Variants in UBR2 observed in about 807,000 individuals in gnomAD.
UBR2 encodes ubiquitin protein ligase E3 component n-recognin 2, also known as E3 ubiquitin-protein ligase UBR2.
In UBR2, 92 loss-of-function variants were observed where a neutral mutation model predicts 247.9. That is an observed-to-expected ratio of 0.37 (90% CI 0.31 to 0.44). The LOEUF is 0.44. UBR2 is among the 20% of genes least tolerant of loss of function. The pLI is 1.00. For synonymous variants in UBR2, 672 were observed against 693.5 expected (o/e 0.97, Z 0.49); for missense variants, 1,613 against 2,112.6 (o/e 0.76, Z 4.64).
chr6:42,619,437 ATATATATATATATATAT>A (rs1794790409), intron 11 of UBR2: 3 of 21,234 alleles, frequency 1.4e-4, no homozygotes, highest in Non-Finnish European at 2.8e-4. Context: ...ATATATATAT[ATATATATATATATATAT>A]TTTTTTTTTT....
intron 11 of UBR2, among the ~76,000 whole-genome samples, chr6:42,617,956 C>T (rs1399666496): frequency 1.3e-5 from 2 of 152,210 alleles, no homozygotes; most frequent in Non-Finnish European, 2.9e-5. Context: ...TGGTCTTTTA[C>T]TGAGCTTCAC....
intron 2 of UBR2, among the ~76,000 whole-genome samples, chr6:42,586,418 GTGCAT>G (rs1792264093): frequency 6.6e-6 from 1 of 151,912 alleles, no homozygotes; most frequent in Non-Finnish European, 1.5e-5. Context: ...CTTATTCCAT[GTGCAT>G]TTGAAAAGAA....
intron 2 of UBR2, among the ~76,000 whole-genome samples, chr6:42,576,610 A>G (rs1018862412): frequency 7.5e-5 from 11 of 147,034 alleles, no homozygotes; most frequent in African/African-American, 2.8e-4. Context: ...GCTCACTGCA[A>G]CTTCTGCCTC....
intron 26 of UBR2, among the ~76,000 whole-genome samples, chr6:42,656,519 G>C (rs1797449350): frequency 6.6e-6 from 1 of 152,148 alleles, no homozygotes; most frequent in Non-Finnish European, 1.5e-5. Flanking sequence ...TACTTTCCCT[G>C]CCACAGACCT....
chr6:42,675,774 A>G (rs1032536294), intron 38 of UBR2, among the ~76,000 whole-genome samples: 2 of 152,160 alleles, frequency 1.3e-5, no homozygotes, highest in African/African-American at 2.4e-5. Flanking sequence ...AGCCTGGCCA[A>G]CGTGGCAAAA....
intron 7 of UBR2, among the ~76,000 whole-genome samples, chr6:42,610,609 A>G (rs1257694853): frequency 6.6e-6 from 1 of 152,230 alleles, no homozygotes; most frequent in Non-Finnish European, 1.5e-5. Flanking sequence ...ATATGATTCT[A>G]CTTATATGAC....
In UBR2 at chr6:42,646,809, A is replaced by T. The variant is rs544728181; in HGVS notation, c.2409+1219A>T. ...AACAATAATTTATATATATATGTTT[A>T]TATATATATATAGAGAGAGAGAGAG... On this transcript the variant is annotated intron_variant, in intron 21 of 46. Transcript: ENST00000372901. Among the ~76,000 whole-genome samples the T allele has an allele frequency of 2.5e-4, 37 of 145,620 alleles. No individual in the cohort carries two copies. In the East Asian group the frequency reaches 3.6e-3, roughly 14 times the overall value.
At chr6:42,627,483 C>T (rs1263754558) in intron 11 of UBR2, among the ~76,000 whole-genome samples, 1 of 151,880 alleles carries the variant, frequency 6.6e-6, no homozygotes, top group Non-Finnish European at 1.5e-5. Flanking sequence ...CTATTACCGT[C>T]TTTGTTTGTT....
chr6:42,659,858 A>C lies in UBR2; in HGVS notation c.3442+3A>C. On this transcript the variant is annotated splice_donor_region_variant and intron_variant, in intron 30 of 46. Transcript: ENST00000372901. This position sits in a 1 kb window ranked among gnomAD's most constrained non-coding sequence, Gnocchi z 4.3. ...AAGTAAATTTATTCAAGATCCAGGTAAGTCATAGCTAGATCCTCATCTTCC... is the reference window on the plus strand; with the variant it reads ...AAGTAAATTTATTCAAGATCCAGGTCAGTCATAGCTAGATCCTCATCTTCC... 1 of 1,613,504 alleles carries C rather than the reference A, an allele frequency of 6.2e-7. No individual in the cohort carries two copies. The highest frequency in any genetic ancestry group is 2.2e-5 in the East Asian group (1 of 44,866).
At chr6:42,665,331 C>T (rs926769334) in intron 32 of UBR2, 78 bp from the exon 33 acceptor site, 42 of 1,063,304 alleles carry the variant, frequency 3.9e-5, no homozygotes, top group Non-Finnish European at 5.2e-5. Context: ...CTAAAATATG[C>T]CTGTGATCAT....
chr6:42,578,942 G>A (rs905005888), intron 2 of UBR2, among the ~76,000 whole-genome samples: 4 of 145,890 alleles, frequency 2.7e-5, no homozygotes, highest in South Asian at 2.2e-4. Context: ...CAGCCTGGGC[G>A]AAACTCCATC....
At chr6:42,686,657 G>A (rs544886397) in intron 44 of UBR2, among the ~76,000 whole-genome samples, 8 of 152,138 alleles carry the variant, frequency 5.3e-5, no homozygotes, top group Non-Finnish European at 1.0e-4. Flanking sequence ...GGGGCAGCCG[G>A]GCAGAGGCGC....
rs546607825 is a variant in UBR2 at position 42,685,219 on chromosome 6, G to GA, written c.4853+349dup. The stretch of plus-strand genomic sequence containing the variant: ...GCAGCTACTCGGGAGGCTGAGGCAG[G>GA]AGAATCACTTGAACCTGAGAGGCAG... On this transcript the variant is annotated intron_variant, in intron 44 of 46. Transcript: ENST00000372901. 2.2e-4 allele frequency among the ~76,000 whole-genome samples: 34 copies of GA among 152,192 alleles called. No individual in the cohort carries two copies. In the East Asian group the frequency reaches 6.4e-3, roughly 29 times the overall value.
chr6:42,573,757 C>T lies in UBR2; in HGVS notation c.102C>T (p.Leu34=), dbSNP rs578243607. The change falls in exon 2 of 47, where the codon CTC becomes CTT. Residue 34 remains leucine, a synonymous_variant. Transcript: ENST00000372901. The part of the protein sequence containing the change: ...IAGKWLQATD[L]TREVYQHLAH... Reference sequence around the variant, plus strand: ...AGAAATGGCTGCAAGCAACTGACCTCACTAGAGAAGTGTACCAGCATTTAG... The same window carrying T: ...AGAAATGGCTGCAAGCAACTGACCTTACTAGAGAAGTGTACCAGCATTTAG... 1 of 1,580,814 alleles carries T rather than the reference C, an allele frequency of 6.3e-7. No individual in the cohort carries two copies. The highest frequency in any genetic ancestry group is 1.4e-5 in the African/African-American group (1 of 73,792).
rs772871663 is a variant in UBR2, at chr6:42,676,887, CTT to C, written c.4478+16_4478+17del. 2.3e-5 allele frequency: 37 copies of C among 1,583,574 alleles called. 1 individual carries two copies. The South Asian group carries it at 3.9e-4, about 17-fold the overall frequency. On this transcript the variant is annotated intron_variant, in intron 40 of 46. Transcript: ENST00000372901. Reference sequence around the variant, plus strand: ...GTATACGGGAAGGTGAGTTAGTTATCTTTACATAACGCATTTCCCTAAATATT... The same window carrying C: ...GTATACGGGAAGGTGAGTTAGTTATCTACATAACGCATTTCCCTAAATATT...
chr6:42,664,321 G>A (rs758340825), intron 32 of UBR2: 1 of 152,146 alleles, frequency 6.6e-6, no homozygotes, highest in African/African-American at 2.4e-5. Flanking sequence ...AAAGAAAATG[G>A]AAAATTTCTG....
chr6:42,610,726 G>A (rs1041925380), intron 7 of UBR2, among the ~76,000 whole-genome samples: 8 of 152,052 alleles, frequency 5.3e-5, no homozygotes, highest in Non-Finnish European at 8.8e-5. Context: ...GTATTATGGC[G>A]AGTTTCACTT....
intron 8 of UBR2, among the ~76,000 whole-genome samples, chr6:42,614,328 G>GTGTATGTA (rs1554250280): frequency 2.9e-5 from 4 of 137,170 alleles, no homozygotes; most frequent in South Asian, 2.3e-4. Context: ...GTATATATGT[G>GTGTATGTA]TATATGTGTA....
chr6:42,650,194 C>A, intron 22 of UBR2, 90 bp from the exon 23 acceptor site: 2 of 1,055,234 alleles, frequency 1.9e-6, no homozygotes, highest in South Asian at 1.5e-5. Flanking sequence ...TATATGAGAG[C>A]TCTGCTTTCT....
Sources: gnomAD v4.1 joint callset for allele counts (sites outside exome capture counted in the v4.1 genomes callset) on GRCh38, gnomAD v4.1.1 for gene constraint, Gnocchi (gnomAD v3.1) non-coding constraint, MANE v1.5 for transcripts, NCBI Gene and HGNC (gene_info 2026-07-23, HGNC 2026-07-21) for gene names.